The following DLGAP2 variants were observed in gnomAD, a reference collection of about 807,000 sequenced individuals.
The protein encoded by DLGAP2 is disks large-associated protein 2.
DLGAP2 carries 26 observed loss-of-function variants against 100.3 expected under a neutral mutation model. That is an observed-to-expected ratio of 0.26 (90% CI 0.19 to 0.36). DLGAP2 has a LOEUF of 0.36. DLGAP2 is among the 10% of genes least tolerant of loss of function. DLGAP2 has a pLI of 1.00. For synonymous variants in DLGAP2, 886 were observed against 630.1 expected (o/e 1.41, Z -6.08); for missense variants, 1,858 against 1,453.2 (o/e 1.28, Z -4.53).
At position 1,661,158 on chromosome 8, in the gene DLGAP2, C is replaced by G. The variant is rs567265336; in HGVS notation, c.1811-7171C>G. On this transcript the variant is annotated intron_variant, in intron 8 of 14. Coordinates refer to ENST00000637795, the MANE Select transcript of DLGAP2 (RefSeq NM_001346810.2). The stretch of plus-strand genomic sequence containing the variant: ...AATAGAAATCCTTTTCAAAGCCTTT[C>G]AAGCTGGTTTTCTTCCTGTTCACGT... Among the ~76,000 whole-genome samples the G allele has an allele frequency of 3.3e-5, 5 of 152,326 alleles. No homozygotes were observed. In the South Asian group the frequency reaches 8.3e-4, roughly 25 times the overall value.
At chr8:1,590,364 G>A (rs879815838) in intron 6 of DLGAP2, among the ~76,000 whole-genome samples, 9 of 152,248 alleles carry the variant, frequency 5.9e-5, no homozygotes, top group Non-Finnish European at 1.2e-4. Context: ...CTCTATCTTG[G>A]TAATTATCAG....
chr8:1,239,932 G>A (rs1385798312), intron 2 of DLGAP2, among the ~76,000 whole-genome samples: 1 of 127,894 alleles, frequency 7.8e-6, no homozygotes, highest in African/African-American at 3.1e-5. Flanking sequence ...ACCGTGTCTA[G>A]TTCTCTCACA....
intron 3 of DLGAP2, among the ~76,000 whole-genome samples, chr8:1,376,461 T>A (rs1802390348): frequency 6.6e-6 from 1 of 152,258 alleles, no homozygotes. Context: ...GCCTGGAAGC[T>A]GGGCTGACCT....
chr8:1,387,795 C>T (rs1486067991), intron 3 of DLGAP2, among the ~76,000 whole-genome samples: 1 of 152,122 alleles, frequency 6.6e-6, no homozygotes, highest in Non-Finnish European at 1.5e-5. Context: ...CTCACCTGTG[C>T]CACAATCGGA....
intron 6 of DLGAP2, among the ~76,000 whole-genome samples, chr8:1,624,869 GTCTC>G (rs200257386): frequency 6.7e-5 from 10 of 149,668 alleles, no homozygotes; most frequent in Admixed American, 6.7e-5. Flanking sequence ...CTCTCTCTCT[GTCTC>G]TCTCTCTCTC....
chr8:1,264,356 A>T (rs1799410172), intron 3 of DLGAP2, among the ~76,000 whole-genome samples: 1 of 152,128 alleles, frequency 6.6e-6, no homozygotes, highest in Non-Finnish European at 1.5e-5. Context: ...CCTTGAATCA[A>T]ACCCAGACAC....
chr8:1,169,942 G>A (rs533414546), intron 2 of DLGAP2, among the ~76,000 whole-genome samples: 1 of 151,966 alleles, frequency 6.6e-6, no homozygotes, highest in East Asian at 1.9e-4. Flanking sequence ...GGTGAGAGAG[G>A]GCATCCCTGT....
In DLGAP2 at chr8:1,096,424, C is replaced by T. The variant is rs1233846422; in HGVS notation, c.74-162427C>T. Reference sequence around the variant, plus strand: ...TAGCACAAAAGGAGAAGCAGCAGCACTCAACCTCTGTGGCATGGAGAGGAA... The same window carrying T: ...TAGCACAAAAGGAGAAGCAGCAGCATTCAACCTCTGTGGCATGGAGAGGAA... On this transcript the variant is annotated intron_variant, in intron 2 of 14. Transcript: ENST00000637795. 3.3e-5 allele frequency among the ~76,000 whole-genome samples: 5 copies of T among 152,384 alleles called. No individual in the cohort carries two copies. The East Asian group carries it at 9.6e-4, about 29-fold the overall frequency.
At chr8:1,600,606 CTT>C (rs1796594746) in intron 6 of DLGAP2, among the ~76,000 whole-genome samples, 1 of 152,162 alleles carries the variant, frequency 6.6e-6, no homozygotes, top group African/African-American at 2.4e-5. Context: ...TGTCTTCACA[CTT>C]TATTTTAATA....
intron 3 of DLGAP2, among the ~76,000 whole-genome samples, chr8:1,453,315 G>C (rs1798214789): frequency 6.6e-6 from 1 of 152,186 alleles, no homozygotes; most frequent in Middle Eastern, 3.4e-3. Flanking sequence ...GTCACCAAGT[G>C]GGAGAAAAAG....
intron 2 of DLGAP2, among the ~76,000 whole-genome samples, chr8:1,164,387 T>TCC (rs1796971842): frequency 4.0e-5 from 1 of 25,268 alleles, no homozygotes; most frequent in Non-Finnish European, 9.4e-5. Flanking sequence ...TCTGTGAGCC[T>TCC]CCCAGGGCCC....
rs376937294 is a variant in DLGAP2 at position 867,044 on chromosome 8, C to T, written c.19-40868C>T. On this transcript the variant is annotated intron_variant, in intron 1 of 14. Transcript: ENST00000637795. ...ATGAGTCAGACATCCAGGTTTCCGC[C>T]GTTCTGTGCTGTTCACCTGTCAGCT... Among the ~76,000 whole-genome samples the T allele has an allele frequency of 9.2e-5, 14 of 152,318 alleles. No homozygotes were observed. In the East Asian group the frequency reaches 1.4e-3, roughly 15 times the overall value.
intron 3 of DLGAP2, among the ~76,000 whole-genome samples, chr8:1,307,526 C>T (rs1011791344): frequency 6.6e-6 from 1 of 152,052 alleles, no homozygotes; most frequent in Non-Finnish European, 1.5e-5. Context: ...GGCCATACAC[C>T]CAAAAGAAGT....
At chr8:1,443,784 C>T (rs563806925) in intron 3 of DLGAP2, among the ~76,000 whole-genome samples, 5 of 152,222 alleles carry the variant, frequency 3.3e-5, no homozygotes, top group Admixed American at 1.3e-4. Context: ...CTCCACCTGG[C>T]CCCACCCTTG....
At chr8:1,407,567 A>G (rs1307374983) in intron 3 of DLGAP2, among the ~76,000 whole-genome samples, 66 of 97,246 alleles carry the variant, frequency 6.8e-4, no homozygotes, top group Admixed American at 7.0e-4. Context: ...CTCATCCTCC[A>G]GAGTCGTGTA....
chr8:1,529,480 A>G (rs1800912559), intron 4 of DLGAP2, among the ~76,000 whole-genome samples: 1 of 152,200 alleles, frequency 6.6e-6, no homozygotes, highest in Admixed American at 6.5e-5. Flanking sequence ...AAGCAACAGG[A>G]GAGCTGAGGG....
intron 3 of DLGAP2, among the ~76,000 whole-genome samples, chr8:1,498,818 A>G (rs1035189645): frequency 2.6e-5 from 4 of 152,248 alleles, no homozygotes; most frequent in Non-Finnish European, 4.4e-5. Flanking sequence ...TACAAAATGT[A>G]GGCTGAAAAT....
chr8:1,031,256 T>A (rs1473774598), intron 2 of DLGAP2, among the ~76,000 whole-genome samples: 2 of 152,162 alleles, frequency 1.3e-5, no homozygotes, highest in Admixed American at 6.5e-5. Flanking sequence ...TCCTTGAAGT[T>A]CAGGATGGAG....
intron 2 of DLGAP2, among the ~76,000 whole-genome samples, chr8:1,251,892 G>A (rs1422260570): frequency 2.0e-5 from 3 of 152,226 alleles, no homozygotes; most frequent in East Asian, 3.8e-4. Flanking sequence ...CTGTACCCAC[G>A]TCACAGTATT....
Sources: gnomAD v4.1 joint callset for allele counts (sites outside exome capture counted in the v4.1 genomes callset) on GRCh38, gnomAD v4.1.1 for gene constraint, MANE v1.5 for transcripts, NCBI Gene and HGNC (gene_info 2026-07-23, HGNC 2026-07-21) for gene names.